Variants in TMTC4 observed in about 807,000 individuals in gnomAD.
The protein encoded by TMTC4 is protein O-mannosyl-transferase TMTC4.
TMTC4 carries 65 observed loss-of-function variants against 86.0 expected under a neutral mutation model. That is an observed-to-expected ratio of 0.76 (90% CI 0.62 to 0.93). The LOEUF (loss-of-function observed/expected upper bound fraction) is 0.93, where lower values mean the gene tolerates loss of function less well. TMTC4 is among the 40% of genes least tolerant of loss of function. The pLI, the probability that TMTC4 is intolerant of heterozygous loss-of-function variation, is 0.00. For synonymous variants in TMTC4, 379 were observed against 382.5 expected (o/e 0.99, Z 0.11); for missense variants, 866 against 948.1 (o/e 0.91, Z 1.14).
rs1368735506 is a variant in TMTC4 at position 100,613,433 on chromosome 13, G to C, written c.1951+883C>G. 2.6e-5 allele frequency among the ~76,000 whole-genome samples: 4 copies of C among 152,202 alleles called. No individual in the cohort carries two copies. The East Asian group carries it at 7.7e-4, about 29-fold the overall frequency. ...ATTGATTGAATCTGGTCTGCTCAGG[G>C]ATAGGAAACCAGATCTTCAAGTCGA... On this transcript the variant is annotated intron_variant, in intron 16 of 18. Transcript: ENST00000342624.
At chr13:100,627,863 G>T (rs1431963794) in intron 12 of TMTC4, among the ~76,000 whole-genome samples, 1 of 152,052 alleles carries the variant, frequency 6.6e-6, no homozygotes, top group Admixed American at 6.5e-5. Context: ...GAGTGGGGGA[G>T]AAGCAGGTGT....
At chr13:100,607,877 C>T (rs371335193) in intron 17 of TMTC4, among the ~76,000 whole-genome samples, 11 of 152,098 alleles carry the variant, frequency 7.2e-5, no homozygotes, top group African/African-American at 1.2e-4. Context: ...GTCTACATTC[C>T]GAGTTTCAGG....
chr13:100,669,522 A>G (rs1203622364), intron 2 of TMTC4, among the ~76,000 whole-genome samples: 1 of 152,214 alleles, frequency 6.6e-6, no homozygotes, highest in African/African-American at 2.4e-5. Flanking sequence ...CTGGTGAAAG[A>G]GTCAAGATAA....
chr13:100,620,101 G>C (rs1427340414), intron 15 of TMTC4, among the ~76,000 whole-genome samples: 2 of 152,222 alleles, frequency 1.3e-5, no homozygotes, highest in Non-Finnish European at 2.9e-5. Flanking sequence ...GATTTAACCA[G>C]AACTGCTCAT....
intron 5 of TMTC4, among the ~76,000 whole-genome samples, chr13:100,662,384 A>G (rs1351918572): frequency 6.6e-6 from 1 of 151,838 alleles, no homozygotes; most frequent in Non-Finnish European, 1.5e-5. Context: ...CCTGCCCGAC[A>G]TCCACTTGCT....
chr13:100,631,785 AC>A (rs1269085695), intron 12 of TMTC4, among the ~76,000 whole-genome samples: 5 of 152,158 alleles, frequency 3.3e-5, no homozygotes, highest in African/African-American at 1.2e-4. Flanking sequence ...ACTGAAGGAA[AC>A]CAGTGTCTTC....
At chr13:100,619,328 GACACACACACACACACACACACACAC>G (rs34662519) in intron 15 of TMTC4, among the ~76,000 whole-genome samples, 56 of 146,022 alleles carry the variant, frequency 3.8e-4, no homozygotes, top group African/African-American at 1.4e-3. Flanking sequence ...AATAAAAGCA[GACACACACACACACACACACACACAC>G]ACACACACAC....
At chr13:100,621,809 C>T (rs1302429259) in intron 15 of TMTC4, among the ~76,000 whole-genome samples, 4 of 152,206 alleles carry the variant, frequency 2.6e-5, no homozygotes, top group Non-Finnish European at 5.9e-5. Flanking sequence ...AAACGGTAAT[C>T]CCTACACCCA....
At chr13:100,654,958 C>T (rs1884895956) in intron 6 of TMTC4, among the ~76,000 whole-genome samples, 2 of 149,942 alleles carry the variant, frequency 1.3e-5, no homozygotes, top group East Asian at 2.0e-4. Flanking sequence ...ATGTTAACAT[C>T]AATAAAATGG....
intron 15 of TMTC4, among the ~76,000 whole-genome samples, chr13:100,621,655 G>A (rs890991052): frequency 6.6e-6 from 1 of 152,196 alleles, no homozygotes; most frequent in Non-Finnish European, 1.5e-5. Flanking sequence ...TCGATCTCCT[G>A]ACCTTGTGAT....
chr13:100,614,478 C>T, intron 15 of TMTC4, 48 bp from the exon 16 acceptor site: 1 of 1,328,956 alleles, frequency 7.5e-7, no homozygotes. Flanking sequence ...TTTCCTGCTT[C>T]CTCTTTCCAA....
rs368812631 is a variant in TMTC4, at chr13:100,638,050, C to T, written c.742-28G>A. ...AAGAAAGCAAAGCAAGACAATCAGCCACGGGAGAGCTTGGCTGTGTTAGGC... is the reference window on the plus strand; with the variant it reads ...AAGAAAGCAAAGCAAGACAATCAGCTACGGGAGAGCTTGGCTGTGTTAGGC... On this transcript the variant is annotated intron_variant, in intron 7 of 18. Coordinates refer to ENST00000342624, the MANE Select transcript of TMTC4 (RefSeq NM_032813.5). 77 of 1,591,386 alleles carry T rather than the reference C, an allele frequency of 4.8e-5. 3 individuals are homozygous for T. In the East Asian group the frequency reaches 7.4e-4, roughly 15 times the overall value.
chr13:100,612,329 A>G, intron 17 of TMTC4, 69 bp downstream of exon 17: 1 of 1,220,414 alleles, frequency 8.2e-7, no homozygotes, highest in South Asian at 1.3e-5. Flanking sequence ...ACTGGGCAGA[A>G]GTAACACTTA....
At chr13:100,672,507 T>A (rs1470833313) in intron 1 of TMTC4, among the ~76,000 whole-genome samples, 1 of 152,156 alleles carries the variant, frequency 6.6e-6, no homozygotes, top group Non-Finnish European at 1.5e-5. Context: ...CCCCCCTTTT[T>A]TTGAACAGGG....
chr13:100,660,931 G>C (rs1193668263), intron 5 of TMTC4, among the ~76,000 whole-genome samples: 1 of 152,172 alleles, frequency 6.6e-6, no homozygotes, highest in Non-Finnish European at 1.5e-5. Flanking sequence ...TGTGATTACG[G>C]GTGTGAGCCA....
Position 100,612,522 on chromosome 13 carries a change from A to C in TMTC4, c.1952-12T>G. The C allele has an allele frequency of 1.3e-6, 2 of 1,594,598 alleles. No individual in the cohort carries two copies. The highest frequency in any genetic ancestry group is 3.4e-5 in the Admixed American group (2 of 58,750). On this transcript the variant is annotated splice_polypyrimidine_tract_variant and intron_variant, in intron 16 of 18. Transcript: ENST00000342624. Reference sequence around the variant, plus strand: ...TTGGGCTAAATTACCTGGGAGTGAAAAATGGAAAAATAAAAGACATGTTAA... The same window carrying C: ...TTGGGCTAAATTACCTGGGAGTGAACAATGGAAAAATAAAAGACATGTTAA...
At position 100,640,191 on chromosome 13, in the gene TMTC4, T is replaced by C. The variant is rs75765752; in HGVS notation, c.741+2020A>G. On this transcript the variant is annotated intron_variant, in intron 7 of 18. Transcript: ENST00000342624. ...ACGATTTTGCCCTCCAGGGGGGTGT[T>C]TGGCACTGTCTGGAGACATTTTAGG... is the stretch of plus-strand genomic sequence containing the variant. Among the ~76,000 whole-genome samples the C allele has an allele frequency of 4.3e-3, 650 of 151,936 alleles. 7 individuals are homozygous for C. Among genetic ancestry groups the C allele is most frequent in the African/African-American group, 0.015 (631 of 41,418 alleles).
chr13:100,646,850 G>C (rs1463973286), intron 6 of TMTC4, among the ~76,000 whole-genome samples: 1 of 152,092 alleles, frequency 6.6e-6, no homozygotes, highest in Non-Finnish European at 1.5e-5. Context: ...ATTCCAATTT[G>C]AGCACTTAAC....
At chr13:100,612,206 G>A (rs1295017584) in intron 17 of TMTC4, among the ~76,000 whole-genome samples, 192 bp downstream of exon 17, 1 of 152,208 alleles carries the variant, frequency 6.6e-6, no homozygotes. Context: ...TGATGAGAAA[G>A]GACACTGGGT....
Sources: gnomAD v4.1 joint callset for allele counts (sites outside exome capture counted in the v4.1 genomes callset) on GRCh38, gnomAD v4.1.1 for gene constraint, MANE v1.5 for transcripts, NCBI Gene and HGNC (gene_info 2026-07-23, HGNC 2026-07-21) for gene names.